Variants in PEX14 observed in about 807,000 individuals in gnomAD.
The protein encoded by PEX14 is peroxisomal membrane protein PEX14.
In PEX14, 15 loss-of-function variants were observed where a neutral mutation model predicts 49.5. That is an observed-to-expected ratio of 0.30 (90% CI 0.20 to 0.47). The LOEUF (loss-of-function observed/expected upper bound fraction) is 0.47, where lower values mean the gene tolerates loss of function less well. Among genes scored for constraint, PEX14 ranks in the 20% least tolerant of loss-of-function variants. The pLI, the probability that PEX14 is intolerant of heterozygous loss-of-function variation, is 1.00. For missense variants in PEX14, 398 were observed against 494.8 expected, an observed-to-expected ratio of 0.80 and a Z score of 1.86; for synonymous variants, 210 against 212.7, an observed-to-expected ratio of 0.99 and a Z score of 0.11.
At chr1:10,520,857 A>T (rs1638264941) in intron 2 of PEX14, among the ~76,000 whole-genome samples, 1 of 152,214 alleles carries the variant, frequency 6.6e-6, no homozygotes, top group Non-Finnish European at 1.5e-5. Flanking sequence ...ATTGATCCAC[A>T]CAGTATCACT....
At chr1:10,571,077 G>A (rs1333951321) in intron 3 of PEX14, among the ~76,000 whole-genome samples, 2 of 138,358 alleles carry the variant, frequency 1.4e-5, no homozygotes, top group African/African-American at 2.8e-5. Flanking sequence ...GGTGGGTCTC[G>A]AACATCTGGG....
At chr1:10,615,260 GAGA>G (rs536133901) in intron 4 of PEX14, among the ~76,000 whole-genome samples, 3 of 152,206 alleles carry the variant, frequency 2.0e-5, no homozygotes, top group East Asian at 3.8e-4. Flanking sequence ...AAATAAACCA[GAGA>G]AGATGTTTGC....
intron 3 of PEX14, among the ~76,000 whole-genome samples, chr1:10,564,206 T>G (rs1639737090): frequency 6.6e-6 from 1 of 152,186 alleles, no homozygotes; most frequent in African/African-American, 2.4e-5. Context: ...TGTCTTGTTC[T>G]CATTCTCTTC....
chr1:10,572,499 T>C (rs796184115), intron 3 of PEX14, among the ~76,000 whole-genome samples: 16 of 152,328 alleles, frequency 1.1e-4, no homozygotes, highest in African/African-American at 3.8e-4. Context: ...AAGATATTCA[T>C]AATACAGTCA....
At chr1:10,576,556 G>A (rs961155378) in intron 3 of PEX14, among the ~76,000 whole-genome samples, 2 of 152,074 alleles carry the variant, frequency 1.3e-5, no homozygotes, top group Admixed American at 6.6e-5. Flanking sequence ...TTTGTGAAAT[G>A]GTGTGAAGCG....
At chr1:10,526,793 G>C (rs1638496923) in intron 2 of PEX14, among the ~76,000 whole-genome samples, 1 of 152,090 alleles carries the variant, frequency 6.6e-6, no homozygotes, top group African/African-American at 2.4e-5. Flanking sequence ...CTGGATTTTG[G>C]AGCATTTTGG....
At chr1:10,563,251 A>G (rs1272488346) in intron 3 of PEX14, among the ~76,000 whole-genome samples, 1 of 151,118 alleles carries the variant, frequency 6.6e-6, no homozygotes, top group Admixed American at 6.6e-5. Context: ...TTACTATTGA[A>G]ATGTATTCTT....
intron 4 of PEX14, among the ~76,000 whole-genome samples, chr1:10,601,284 A>G (rs1419880925): frequency 6.6e-6 from 1 of 150,462 alleles, no homozygotes; most frequent in African/African-American, 2.5e-5. Flanking sequence ...AAAAAAAAAA[A>G]GTGTTAGATA....
intron 4 of PEX14, 39 bp downstream of exon 4, chr1:10,599,405 G>C: frequency 6.2e-7 from 1 of 1,612,526 alleles, no homozygotes; most frequent in Non-Finnish European, 8.5e-7. Flanking sequence ...ACCTTGATTG[G>C]GATTCAGGAC....
At chr1:10,482,340 G>A (rs1363423641) in intron 1 of PEX14, among the ~76,000 whole-genome samples, 1 of 151,790 alleles carries the variant, frequency 6.6e-6, no homozygotes, top group African/African-American at 2.4e-5. Context: ...ATGTTGGCCG[G>A]GCTGGTCTCG....
At chr1:10,524,358 A>T in intron 2 of PEX14, 1 of 383,372 alleles carries the variant, frequency 2.6e-6, no homozygotes, top group Non-Finnish European at 3.6e-6. Context: ...GCAAGATGGT[A>T]ATTCATAATC....
Position 10,568,330 on chromosome 1 carries a change from C to G in PEX14, c.170-30908C>G, listed in dbSNP as rs879649223. Among the ~76,000 whole-genome samples, 124 of 140,228 alleles carry G rather than the reference C, an allele frequency of 8.8e-4. 1 individual carries two copies. Among genetic ancestry groups the G allele is most frequent in the Non-Finnish European group, 1.7e-3 (111 of 64,894 alleles). The allele number at this position is 140,228 out of a possible 152,430, so 92.0% of individuals were successfully genotyped here. A position where few individuals can be genotyped will look rare whatever the true frequency, so the allele number is the denominator to read the frequency against. Reference sequence around the variant, plus strand: ...TACACAAGTAGATACTCTTCCCCCCCCCCCCCCCACTCCCACTAACAGATA... The same window carrying G: ...TACACAAGTAGATACTCTTCCCCCCGCCCCCCCCACTCCCACTAACAGATA... On this transcript the variant is annotated intron_variant, in intron 3 of 8. Transcript: ENST00000356607.
chr1:10,623,138 C>G lies in PEX14; in HGVS notation c.487+17C>G, dbSNP rs756085369. 1.2e-5 allele frequency: 18 copies of G among 1,559,212 alleles called. No individual in the cohort carries two copies. Among genetic ancestry groups the G allele is most frequent in the Non-Finnish European group, 1.6e-5 (18 of 1,132,132 alleles). On this transcript the variant is annotated intron_variant, in intron 6 of 8. Coordinates refer to ENST00000356607, the MANE Select transcript of PEX14 (RefSeq NM_004565.3). The surrounding 1 kb of genome is among the most constrained non-coding windows in gnomAD (Gnocchi z 4.4). ...CCCAGACAGGTAAAGATTAATGACTCCATCAAGTCACCCCTCACAGCCTTC... is the reference window on the plus strand; with the variant it reads ...CCCAGACAGGTAAAGATTAATGACTGCATCAAGTCACCCCTCACAGCCTTC...
chr1:10,599,239 G>A lies in PEX14; in HGVS notation c.171G>A (p.Gly57=). ...ATRRAFLKKK[G]LTDEEIDMAF... is the part of the protein sequence containing the mutation. ...GCAATGATGTCCTCTTCTCCCCAGGGCTGACAGATGAAGAGATTGATATGG... is the reference window on the plus strand; with the variant it reads ...GCAATGATGTCCTCTTCTCCCCAGGACTGACAGATGAAGAGATTGATATGG... The change falls in exon 4 of 9, where the codon GGG becomes GGA. Residue 57 remains glycine, a splice_region_variant and synonymous_variant. Transcript: ENST00000356607. 1 of 1,614,100 alleles carries A rather than the reference G, an allele frequency of 6.2e-7. No individual in the cohort carries two copies. Among genetic ancestry groups the A allele is most frequent in the South Asian group, 1.1e-5 (1 of 91,070 alleles).
In PEX14 at chr1:10,477,313, G is replaced by T. The variant is rs140398326; in HGVS notation, c.36+2311G>T. ...TCTTGATCTCCTGACCTCATGATCC[G>T]CCCACCTCAGCCTCCCAAAGTGCTG... On this transcript the variant is annotated intron_variant, in intron 1 of 8. Transcript: ENST00000356607. 1.3e-5 allele frequency among the ~76,000 whole-genome samples: 2 copies of T among 152,076 alleles called. 1 individual carries two copies. The highest frequency in any genetic ancestry group is 4.8e-5 in the African/African-American group (2 of 41,500).
intron 3 of PEX14, among the ~76,000 whole-genome samples, chr1:10,577,529 C>CATACATATATATATAT (rs1640157713): frequency 2.3e-5 from 1 of 43,014 alleles, no homozygotes; most frequent in East Asian, 8.8e-4. Context: ...GGACACTATA[C>CATACATATATATATAT]ATATATATAT....
intron 3 of PEX14, among the ~76,000 whole-genome samples, chr1:10,559,865 G>A (rs1161266205): frequency 2.0e-5 from 3 of 152,238 alleles, no homozygotes; most frequent in South Asian, 4.1e-4. Context: ...GGCCTGGGGA[G>A]CTGCGAGGCT....
At position 10,618,360 on chromosome 1, in the gene PEX14, C is replaced by T. The variant is rs367754543; in HGVS notation, c.327C>T (p.Tyr109=). 2.5e-5 allele frequency: 41 copies of T among 1,613,726 alleles called. No homozygotes were observed. Among genetic ancestry groups the T allele is most frequent in the South Asian group, 3.3e-5 (3 of 91,092 alleles). ...CCGCAGGCTCCCGATGGCGAGATTA[C>T]GGCGCCCTGGCCATCATCATGGCAG... ...YSPAGSRWRD[Y]GALAIIMAGI... is the part of the protein sequence containing the mutation. The change falls in exon 5 of 9, where the codon TAC becomes TAT. Residue 109 remains tyrosine (Y), a synonymous_variant. Coordinates refer to ENST00000356607, the MANE Select transcript of PEX14 (RefSeq NM_004565.3).
intron 3 of PEX14, among the ~76,000 whole-genome samples, chr1:10,567,889 A>G (rs1639853057): frequency 6.6e-6 from 1 of 152,028 alleles, no homozygotes; most frequent in South Asian, 2.1e-4. Context: ...CCTCAGCATC[A>G]CGAAGTATGG....
Sources: allele counts gnomAD v4.1 joint callset (sites outside exome capture counted in the v4.1 genomes callset), GRCh38; gene constraint gnomAD v4.1.1; non-coding constraint Gnocchi (gnomAD v3.1); transcripts MANE v1.5; gene names NCBI Gene and HGNC (gene_info 2026-07-23, HGNC 2026-07-21).